The following CREB5 variants were observed in gnomAD, a reference collection of about 807,000 sequenced individuals.
CREB5 encodes cAMP responsive element binding protein 5.
In CREB5, 19 loss-of-function variants were observed where a neutral mutation model predicts 57.1. That is an observed-to-expected ratio of 0.33 (90% CI 0.23 to 0.49). The LOEUF (loss-of-function observed/expected upper bound fraction) is 0.49, where lower values mean the gene tolerates loss of function less well. Ranked by LOEUF, CREB5 falls within the 20% of genes least tolerant of loss-of-function variation. CREB5 has a pLI of 0.99. For synonymous variants in CREB5, 238 were observed against 238.3 expected (o/e 1.00, Z 0.01); for missense variants, 579 against 671.6 (o/e 0.86, Z 1.52).
At chr7:28,644,843 A>G (rs551113966) in intron 5 of CREB5, among the ~76,000 whole-genome samples, 1 of 152,258 alleles carries the variant, frequency 6.6e-6, no homozygotes, top group South Asian at 2.1e-4. Context: ...ACCAATGTCA[A>G]TTTCTACCAG....
At chr7:28,686,120 A>G (rs768581071) in intron 5 of CREB5, 1 of 1,612,586 alleles carries the variant, frequency 6.2e-7, no homozygotes, top group Non-Finnish European at 8.5e-7. Context: ...GCTTTGGCTC[A>G]AATTCTACAC....
At chr7:28,437,692 C>G (rs1789016519) in intron 1 of CREB5, among the ~76,000 whole-genome samples, 1 of 152,084 alleles carries the variant, frequency 6.6e-6, no homozygotes, top group African/African-American at 2.4e-5. Flanking sequence ...GTCCTATAAT[C>G]TAAATAAATG....
Position 28,809,296 on chromosome 7 carries a change from G to A in CREB5, c.1136G>A (p.Arg379Gln), listed in dbSNP as rs1057133379. ...GACGAGGATCCGGACGAGAGGCGGC[G>A]GAAATTTCTGGAACGGAACCGGGCA... ...VVDEDPDERR[R>Q]KFLERNRAAA... Residue 379 changes from arginine to glutamine, a missense_variant, in exon 9 of 11, where the codon CGG becomes CAG. Arg to Gln is a conservative substitution (Grantham distance 43). Around this residue, in one of 3 missense-constraint regions of CREB5, gnomAD observed 459 missense variants for 515.7 expected, o/e 0.89. Coordinates refer to ENST00000357727, the MANE Select transcript of CREB5 (RefSeq NM_182898.4). The A allele has an allele frequency of 8.1e-6, 13 of 1,614,026 alleles. No individual in the cohort carries two copies. The highest frequency in any genetic ancestry group is 5.0e-5 in the Admixed American group (3 of 59,974).
intron 1 of CREB5, among the ~76,000 whole-genome samples, chr7:28,421,445 TG>T (rs2128009764): frequency 6.6e-6 from 1 of 152,122 alleles, no homozygotes; most frequent in Admixed American, 6.5e-5. Context: ...TCTTTAATGG[TG>T]ATTTGTGAGA....
intron 2 of CREB5, 83 bp from the exon 3 acceptor site, chr7:28,494,823 C>G: frequency 1.2e-6 from 1 of 842,988 alleles, no homozygotes; most frequent in Non-Finnish European, 1.7e-6. Context: ...CTAAATAAGT[C>G]TTTTTCTCAA....
intron 1 of CREB5, among the ~76,000 whole-genome samples, chr7:28,343,935 G>A (rs115733039): frequency 1.3e-5 from 2 of 151,940 alleles, no homozygotes; most frequent in African/African-American, 2.4e-5. Context: ...GTTTTTATTT[G>A]CATTTCCCTG....
chr7:28,351,383 T>C (rs1007079627), intron 1 of CREB5, among the ~76,000 whole-genome samples: 95 of 152,316 alleles, frequency 6.2e-4, no homozygotes, highest in East Asian at 9.7e-4. Flanking sequence ...TGCAGATCCA[T>C]ACTGCTAGAC....
chr7:28,421,837 C>CAT (rs1206560083), intron 1 of CREB5, among the ~76,000 whole-genome samples: 2 of 26,614 alleles, frequency 7.5e-5, no homozygotes, highest in Non-Finnish European at 1.6e-4. Context: ...TATATATACA[C>CAT]ACACACACAC....
At position 28,819,391 on chromosome 7, in the gene CREB5, A is replaced by C; in HGVS notation, c.*112A>C. 2 of 1,042,238 alleles carry C rather than the reference A, an allele frequency of 1.9e-6. No individual in the cohort carries two copies. Among genetic ancestry groups the C allele is most frequent in the Non-Finnish European group, 2.7e-6 (2 of 738,080 alleles). 64.6% of individuals were successfully genotyped at this position (1,042,238 alleles called of 1,614,324 possible). A position where few individuals can be genotyped will look rare whatever the true frequency, so the allele number is the denominator to read the frequency against. ...CCTGGAAGACTCCTCAGTTCTTCAA[A>C]GACTGGCTTTCATTTTTATAGTTAT... On this transcript the variant is annotated 3_prime_UTR_variant, in exon 11 of 11. Transcript: ENST00000357727.
intron 5 of CREB5, among the ~76,000 whole-genome samples, chr7:28,710,050 T>G (rs2128742665): frequency 6.6e-6 from 1 of 152,322 alleles, no homozygotes; most frequent in East Asian, 1.9e-4. Flanking sequence ...CCTTTTCTTA[T>G]GAAATGCCTA....
chr7:28,304,605 G>A (rs1785153057), intron 1 of CREB5, among the ~76,000 whole-genome samples: 1 of 152,130 alleles, frequency 6.6e-6, no homozygotes, highest in African/African-American at 2.4e-5. Context: ...AATCTCAAAA[G>A]CAATGAGAGG....
intron 7 of CREB5, among the ~76,000 whole-genome samples, chr7:28,791,085 G>A (rs967736623): frequency 1.3e-5 from 2 of 152,134 alleles, no homozygotes; most frequent in Non-Finnish European, 2.9e-5. Flanking sequence ...GGCATATGGT[G>A]AAAAGAAGAA....
intron 1 of CREB5, among the ~76,000 whole-genome samples, chr7:28,385,003 A>C (rs1245069329): frequency 6.6e-6 from 1 of 151,488 alleles, no homozygotes; most frequent in East Asian, 1.9e-4. Context: ...TCTCTCTTTA[A>C]AAAAAAATCC....
At chr7:28,729,886 T>A (rs1803519870) in intron 7 of CREB5, among the ~76,000 whole-genome samples, 1 of 152,208 alleles carries the variant, frequency 6.6e-6, no homozygotes, top group Admixed American at 6.5e-5. Context: ...TGAAGTAAGA[T>A]GACCACGTTT....
chr7:28,311,584 G>C (rs1248653239), intron 1 of CREB5, among the ~76,000 whole-genome samples: 1 of 152,186 alleles, frequency 6.6e-6, no homozygotes, highest in Admixed American at 6.5e-5. Flanking sequence ...TGTAGCCACT[G>C]ATGTTCTTAG....
At chr7:28,720,584 G>T (rs1233740373) in intron 6 of CREB5, among the ~76,000 whole-genome samples, 1 of 152,202 alleles carries the variant, frequency 6.6e-6, no homozygotes, top group African/African-American at 2.4e-5. Context: ...TCAGTTTAGA[G>T]AAATGGACTT....
intron 1 of CREB5, among the ~76,000 whole-genome samples, chr7:28,421,841 C>CAT (rs1485063473): frequency 6.2e-3 from 153 of 24,650 alleles, no homozygotes; most frequent in African/African-American, 0.019. Flanking sequence ...TATACACACA[C>CAT]ACACACTCTC....
At chr7:28,477,085 G>A (rs1430720917) in intron 1 of CREB5, among the ~76,000 whole-genome samples, 1 of 152,198 alleles carries the variant, frequency 6.6e-6, no homozygotes, top group Non-Finnish European at 1.5e-5. Flanking sequence ...ATGAATGAAT[G>A]AGACCTGTGT....
At chr7:28,422,158 A>G (rs542205343) in intron 1 of CREB5, among the ~76,000 whole-genome samples, 3 of 152,224 alleles carry the variant, frequency 2.0e-5, no homozygotes, top group Middle Eastern at 6.8e-3. Context: ...CTTGTGCATA[A>G]TATCAAGGAA....
Sources: allele counts gnomAD v4.1 joint callset (sites outside exome capture counted in the v4.1 genomes callset), GRCh38; gene constraint gnomAD v4.1.1; regional missense constraint gnomAD v4.1.1; transcripts MANE v1.5; gene names NCBI Gene and HGNC (gene_info 2026-07-23, HGNC 2026-07-21).